GMPPA: variants seen among roughly 807,000 people sequenced by gnomAD.
The protein encoded by GMPPA is GDP-mannose pyrophosphorylase A.
A neutral mutation model predicts 58.6 loss-of-function variants in GMPPA; 46 were observed. The ratio of observed to expected loss-of-function variants is 0.78; its 90% CI spans 0.62 to 1.00. The LOEUF (loss-of-function observed/expected upper bound fraction) is 1.00, where lower values mean the gene tolerates loss of function less well. Ranked by LOEUF, GMPPA falls within the 50% of genes least tolerant of loss-of-function variation. The pLI, the probability that GMPPA is intolerant of heterozygous loss-of-function variation, is 0.00. For synonymous variants in GMPPA, 211 were observed against 214.9 expected, an observed-to-expected ratio of 0.98 and a Z score of 0.16; for missense variants, 468 against 556.4, an observed-to-expected ratio of 0.84 and a Z score of 1.60.
intron 6 of GMPPA, 105 bp from the exon 7 acceptor site, chr2:219,503,978 C>A: frequency 1.5e-6 from 2 of 1,334,048 alleles, no homozygotes; most frequent in South Asian, 1.2e-5. Context: ...CCAGGCCACC[C>A]TGGCAGCAGG....
At chr2:219,504,004 G>A (rs530499814) in intron 6 of GMPPA, 79 bp from the exon 7 acceptor site, 75 of 1,521,210 alleles carry the variant, frequency 4.9e-5, no homozygotes, top group Non-Finnish European at 6.6e-5. Flanking sequence ...GAGGCAAGAA[G>A]GGCCTAGAAA....
intron 3 of GMPPA, 161 bp downstream of exon 3, chr2:219,500,379 G>A: frequency 1.6e-6 from 1 of 623,152 alleles, no homozygotes; most frequent in Non-Finnish European, 2.9e-6. Context: ...CTGTGCAGCT[G>A]CCCTGCTGTC....
chr2:219,506,339 C>T lies in GMPPA; in HGVS notation c.1079C>T (p.Pro360Leu), dbSNP rs748597043. ...CGCGTGGAGGGTACCCCCAGTGACCCTAACCCCAACGATCCCCGAGCCCGC... is the reference window on the plus strand; with the variant it reads ...CGCGTGGAGGGTACCCCCAGTGACCTTAACCCCAACGATCCCCGAGCCCGC... ...WARVEGTPSD[P>L]NPNDPRARMD... Residue 360 changes from proline (P) to leucine (L), a missense_variant, in exon 12 of 13, where the codon CCT becomes CTT. Pro to Leu is a moderately conservative substitution (Grantham distance 98). Coordinates refer to ENST00000313597, the MANE Select transcript of GMPPA (RefSeq NM_013335.4). 6.2e-7 allele frequency: 1 copy of T among 1,613,924 alleles called. No homozygotes were observed. The highest frequency in any genetic ancestry group is 1.7e-5 in the Admixed American group (1 of 60,024).
Position 219,506,309 on chromosome 2 carries a change from G to T in GMPPA, c.1049G>T (p.Trp350Leu). The T allele has an allele frequency of 6.2e-7, 1 of 1,613,926 alleles. No individual in the cohort carries two copies. ...GGCTGGGGGAGCACCGTGGGACGCT[G>T]GGCCCGCGTGGAGGGTACCCCCAGT... Reference protein sequence around the residue: ...IVGWGSTVGRWARVEGTPSDP... With the variant: ...IVGWGSTVGRLARVEGTPSDP... Residue 350 changes from tryptophan (W) to leucine (L), a missense_variant, in exon 12 of 13, where the codon TGG (tryptophan) becomes TTG (leucine). Coordinates refer to ENST00000313597, the MANE Select transcript of GMPPA (RefSeq NM_013335.4).
chr2:219,506,245 C>G lies in GMPPA; in HGVS notation c.994-9C>G, dbSNP rs1392826460. 2.5e-6 allele frequency: 4 copies of G among 1,601,704 alleles called. No homozygotes were observed. Among genetic ancestry groups the G allele is most frequent in the Admixed American group, 1.7e-5 (1 of 59,318 alleles). ...TCTTCCCCTTACCTTTCACTGTCCTCTTTGGCAGGAGCACACGTGTGTTCT... is the reference window on the plus strand; with the variant it reads ...TCTTCCCCTTACCTTTCACTGTCCTGTTTGGCAGGAGCACACGTGTGTTCT... On this transcript the variant is annotated splice_polypyrimidine_tract_variant and intron_variant, in intron 11 of 12. Coordinates refer to ENST00000313597, the MANE Select transcript of GMPPA (RefSeq NM_013335.4).
chr2:219,505,030 C>T (rs1347433094), intron 7 of GMPPA, 198 bp from the exon 8 acceptor site: 2 of 847,752 alleles, frequency 2.4e-6, no homozygotes, highest in Non-Finnish European at 3.5e-6. Flanking sequence ...TGTGATAGCA[C>T]CCACCCAAGT....
At chr2:219,505,649 C>A in intron 9 of GMPPA, 66 bp from the exon 10 acceptor site, 1 of 1,586,578 alleles carries the variant, frequency 6.3e-7, no homozygotes, top group Non-Finnish European at 8.7e-7. Flanking sequence ...AAGCCTCAAT[C>A]CCTGCCCCTT....
At chr2:219,506,561 C>T (rs1161855979) in intron 12 of GMPPA, 137 bp from the exon 13 acceptor site, 9 of 1,023,798 alleles carry the variant, frequency 8.8e-6, no homozygotes, top group Non-Finnish European at 5.8e-6. Context: ...GTGCCAGGCC[C>T]TGTGTGAGTC....
intron 7 of GMPPA, 85 bp downstream of exon 7, chr2:219,504,298 A>C: frequency 4.1e-5 from 55 of 1,325,966 alleles, no homozygotes; most frequent in Non-Finnish European, 5.4e-5. Context: ...GCTCCATCTC[A>C]ACTTGCTCAC....
At position 219,502,437 on chromosome 2, in the gene GMPPA, A is replaced by G; in HGVS notation, c.485A>G (p.His162Arg). Reference protein sequence around the residue: ...YGCIVENPQTHEVLHYVEKPS... With the variant: ...YGCIVENPQTREVLHYVEKPS... Reference sequence around the variant, plus strand: ...TGCATCGTTGAGAATCCACAGACACACGAGGTGAGAGCAGAGTGGGGGCTG... The same window carrying G: ...TGCATCGTTGAGAATCCACAGACACGCGAGGTGAGAGCAGAGTGGGGGCTG... The change falls in exon 6 of 13, where the codon CAC becomes CGC. Residue 162 changes from histidine (H) to arginine (R), a missense_variant. By Grantham distance (29) the His-to-Arg change is conservative (BLOSUM62 0). Transcript: ENST00000313597. The surrounding 1 kb of genome is among the most constrained non-coding windows in gnomAD (Gnocchi z 4.0). 1.9e-6 allele frequency: 3 copies of G among 1,613,616 alleles called. No individual in the cohort carries two copies. Among genetic ancestry groups the G allele is most frequent in the Non-Finnish European group, 2.5e-6 (3 of 1,179,572 alleles).
At position 219,506,685 on chromosome 2, in the gene GMPPA, A is replaced by C; in HGVS notation, c.1163-13A>C. ...TCCCATGACCTCCCCTGGTGCCCTCATCCATGCTGCAGGCTGCCGAGTCCG... is the reference window on the plus strand; with the variant it reads ...TCCCATGACCTCCCCTGGTGCCCTCCTCCATGCTGCAGGCTGCCGAGTCCG... On this transcript the variant is annotated splice_polypyrimidine_tract_variant and intron_variant, in intron 12 of 12. Transcript: ENST00000313597. 6.6e-7 allele frequency: 1 copy of C among 1,506,088 alleles called. No homozygotes were observed. Among genetic ancestry groups the C allele is most frequent in the Non-Finnish European group, 9.2e-7 (1 of 1,082,944 alleles). 93.3% of individuals were successfully genotyped at this position (1,506,088 alleles called of 1,614,324 possible).
At chr2:219,504,890 TC>T in intron 7 of GMPPA, 7 of 1,138,092 alleles carry the variant, frequency 6.2e-6, no homozygotes, top group Non-Finnish European at 7.6e-6. Context: ...TGTGTTTCAT[TC>T]CATCCAATGA....
At chr2:219,506,522 T>G (rs1283243545) in intron 12 of GMPPA, 100 bp downstream of exon 12, 1 of 1,264,096 alleles carries the variant, frequency 7.9e-7, no homozygotes, top group African/African-American at 1.5e-5. Context: ...GTTTCTTCTT[T>G]TAGCAAACAG....
chr2:219,503,586 G>A (rs899892680), intron 6 of GMPPA, among the ~76,000 whole-genome samples: 2 of 152,216 alleles, frequency 1.3e-5, no homozygotes, highest in African/African-American at 4.8e-5. Context: ...CTGCCTCTTG[G>A]TTACTGTGAG....
chr2:219,501,573 C>T lies in GMPPA; in HGVS notation c.236C>T (p.Pro79Leu). 6.3e-7 allele frequency: 1 copy of T among 1,598,374 alleles called. No individual in the cohort carries two copies. The highest frequency in any genetic ancestry group is 8.6e-7 in the Non-Finnish European group (1 of 1,165,584). ...LEAAQQEFNL[P>L]VRYLQEFAPL... ...GCCGCCCAGCAGGAGTTTAACCTTC[C>T]AGTCAGGTGTTTGTGCACACACTCG... Residue 79 changes from proline to leucine, a missense_variant, in exon 4 of 13, where the codon CCA (proline) becomes CTA (leucine). Physicochemically the swap from Pro to Leu is moderately conservative, Grantham distance 98. Coordinates refer to ENST00000313597, the MANE Select transcript of GMPPA (RefSeq NM_013335.4).
At chr2:219,504,924 G>A (rs181509860) in intron 7 of GMPPA, 18,138 of 1,092,242 alleles carry the variant, frequency 0.017, 164 homozygotes, top group Non-Finnish European at 0.019. Flanking sequence ...CTTGGAGGGG[G>A]TAAAGGGCTG....
At chr2:219,500,553 T>A (rs1694354466) in intron 3 of GMPPA, 1 of 350,518 alleles carries the variant, frequency 2.9e-6, no homozygotes, top group Non-Finnish European at 5.3e-6. Context: ...TTGATCACAT[T>A]GTTGCTCATT....
At position 219,502,330 on chromosome 2, in the gene GMPPA, G is replaced by A. The variant is rs906093388; in HGVS notation, c.430-52G>A. On this transcript the variant is annotated intron_variant, in intron 5 of 12. Coordinates refer to ENST00000313597, the MANE Select transcript of GMPPA (RefSeq NM_013335.4). The surrounding 1 kb of genome is among the most constrained non-coding windows in gnomAD (Gnocchi z 4.0). The stretch of plus-strand genomic sequence containing the variant: ...GGAGGGAAAGAAAGAAAAAACAGAC[G>A]TGGCTGCCCTGGAGCAGGCGGGTCA... The A allele has an allele frequency of 8.5e-6, 13 of 1,520,880 alleles. No homozygotes were observed. In the Admixed American group the frequency reaches 1.0e-4, roughly 12 times the overall value. The allele number at this position is 1,520,880 out of a possible 1,614,324, so 94.2% of individuals were successfully genotyped here.
rs750964164 is a variant in GMPPA at position 219,499,963 on chromosome 2, A to G, written c.-13A>G. On this transcript the variant is annotated 5_prime_UTR_variant, in exon 2 of 13. Coordinates refer to ENST00000313597, the MANE Select transcript of GMPPA (RefSeq NM_013335.4). ...CTCTGTTGGAATTTGAAGTTTAGGTAGCAGTCACCATTATGCTCAAAGCGG... is the reference window on the plus strand; with the variant it reads ...CTCTGTTGGAATTTGAAGTTTAGGTGGCAGTCACCATTATGCTCAAAGCGG... The G allele has an allele frequency of 1.2e-6, 2 of 1,612,816 alleles. No individual in the cohort carries two copies. The highest frequency in any genetic ancestry group is 1.3e-5 in the African/African-American group (1 of 74,980).
Sources: gnomAD v4.1 joint callset for allele counts (sites outside exome capture counted in the v4.1 genomes callset) on GRCh38, gnomAD v4.1.1 for gene constraint, Gnocchi (gnomAD v3.1) non-coding constraint, MANE v1.5 for transcripts, NCBI Gene and HGNC (gene_info 2026-07-23, HGNC 2026-07-21) for gene names.